BNIP3: variants seen among roughly 807,000 people sequenced by gnomAD.
BNIP3 encodes BCL2 interacting protein 3.
A neutral mutation model predicts 23.9 loss-of-function variants in BNIP3; 16 were observed. That is an observed-to-expected ratio of 0.67 (90% CI 0.45 to 1.01). The LOEUF is 1.01. BNIP3 is among the 50% of genes least tolerant of loss of function. The pLI, the probability that BNIP3 is intolerant of heterozygous loss-of-function variation, is 0.00. For synonymous variants in BNIP3, 81 were observed against 89.3 expected (o/e 0.91, Z 0.53); for missense variants, 198 against 248.7 (o/e 0.80, Z 1.37).
At chr10:131,973,214 T>C in intron 2 of BNIP3, 96 bp from the exon 3 acceptor site, 1 of 1,252,638 alleles carries the variant, frequency 8.0e-7, no homozygotes, top group Non-Finnish European at 1.2e-6. Context: ...GCCTCCGTGA[T>C]GAGGGGCTCT....
At position 131,970,605 on chromosome 10, in the gene BNIP3, C is replaced by A; in HGVS notation, c.539+33G>T. On this transcript the variant is annotated intron_variant, in intron 5 of 5. Coordinates refer to ENST00000368636, the MANE Select transcript of BNIP3 (RefSeq NM_004052.4). The surrounding 1 kb of genome is among the most constrained non-coding windows in gnomAD (Gnocchi z 4.1). ...CAACCCAGAATCGCCCCACGACATG[C>A]CATGACAGGAGTCACACAGTCACAT... 6.2e-7 allele frequency: 1 copy of A among 1,607,754 alleles called. No homozygotes were observed. The highest frequency in any genetic ancestry group is 8.5e-7 in the Non-Finnish European group (1 of 1,176,620).
chr10:131,973,082 T>C lies in BNIP3; in HGVS notation c.234A>G (p.Arg78=), dbSNP rs1050704. The stretch of plus-strand genomic sequence containing the variant: ...TGCTATGGGTATCTGTTTCAGAAGC[T>C]CTGTTGGTATCTTGTGGTGTCTGCG... The part of the protein sequence containing the change: ...PRSQTPQDTN[R]ASETDTHSIG... Residue 78 remains arginine, a synonymous_variant, in exon 3 of 6, where the codon AGA becomes AGG. Coordinates refer to ENST00000368636, the MANE Select transcript of BNIP3 (RefSeq NM_004052.4). 0.13 allele frequency: 211,828 copies of C among 1,613,354 alleles called. 15,024 individuals carry two copies. The highest frequency in any genetic ancestry group is 0.15 in the Non-Finnish European group (176,413 of 1,179,410).
At chr10:131,973,416 G>A (rs1441105711) in intron 2 of BNIP3, 2 of 467,514 alleles carry the variant, frequency 4.3e-6, no homozygotes, top group Non-Finnish European at 7.8e-6. Context: ...GCTCTCAAGG[G>A]CACGCGACCT....
In BNIP3 at chr10:131,970,336, C is replaced by A; in HGVS notation, c.539+302G>T. ...TACACAGAAATGAGACTGCTTTCACCTACACACAGGACAAAGAGGTCAGAC... is the reference window on the plus strand; with the variant it reads ...TACACAGAAATGAGACTGCTTTCACATACACACAGGACAAAGAGGTCAGAC... On this transcript the variant is annotated intron_variant, in intron 5 of 5. Transcript: ENST00000368636. This position sits in a 1 kb window ranked among gnomAD's most constrained non-coding sequence, Gnocchi z 4.1. 1 of 439,194 alleles carries A rather than the reference C, an allele frequency of 2.3e-6. No homozygotes were observed. The allele number at this position is 439,194 out of a possible 1,614,324, so 27.2% of individuals were successfully genotyped here.
chr10:131,972,920 G>GAAAC (rs2037048061), intron 3 of BNIP3, 114 bp downstream of exon 3: 1 of 1,031,656 alleles, frequency 9.7e-7, no homozygotes, highest in Admixed American at 2.4e-5. Flanking sequence ...TTTAAAGCAG[G>GAAAC]AAACACCCTT....
intron 3 of BNIP3, among the ~76,000 whole-genome samples, chr10:131,972,798 C>T (rs900761454): frequency 6.6e-6 from 1 of 152,196 alleles, no homozygotes; most frequent in African/African-American, 2.4e-5. Flanking sequence ...AGGAGGCCCC[C>T]GCTGCCTGTC....
chr10:131,976,087 C>A lies in BNIP3; in HGVS notation c.47-2144G>T, dbSNP rs1343096516. Among the ~76,000 whole-genome samples the A allele has an allele frequency of 6.6e-6, 1 of 152,226 alleles. No homozygotes were observed. The highest frequency in any genetic ancestry group is 1.5e-5 in the Non-Finnish European group (1 of 68,046). ...CTCTGCGGTTCAAGATGCCATGCGG[C>A]CGGCTAGCCATGGCCTGCCCCTGAG... is the stretch of plus-strand genomic sequence containing the variant. On this transcript the variant is annotated intron_variant, in intron 1 of 5. Transcript: ENST00000368636. The surrounding 1 kb of genome is among the most constrained non-coding windows in gnomAD (Gnocchi z 4.3).
chr10:131,981,719 CCCCGCGCCCCCTCGGCT>C, intron 1 of BNIP3, 25 bp downstream of exon 1: 1 of 1,462,232 alleles, frequency 6.8e-7, no homozygotes. Context: ...CAGGCTTCCC[CCCCGCGCCCCCTCGGCT>C]CCCGCGCCGC....
At chr10:131,975,773 C>T (rs377634996) in intron 1 of BNIP3, among the ~76,000 whole-genome samples, 43 of 152,326 alleles carry the variant, frequency 2.8e-4, no homozygotes, top group Admixed American at 5.2e-4. Flanking sequence ...AAGCTGCTAA[C>T]GAAATGATCA....
At chr10:131,974,022 C>T in intron 1 of BNIP3, 79 bp from the exon 2 acceptor site, 1 of 1,566,120 alleles carries the variant, frequency 6.4e-7, no homozygotes. Context: ...AACCAGCCTG[C>T]CCTTCCATTT....
chr10:131,967,933 G>GTTCT lies in BNIP3; in HGVS notation c.*590_*591insAGAA, dbSNP rs1451340466. 1 of 152,234 alleles carries GTTCT rather than the reference G, an allele frequency of 6.6e-6. No homozygotes were observed. Among genetic ancestry groups the GTTCT allele is most frequent in the Non-Finnish European group, 1.5e-5 (1 of 68,076 alleles). 9.4% of individuals were successfully genotyped at this position (152,234 alleles called of 1,614,324 possible). A position where few individuals can be genotyped will look rare whatever the true frequency, so the allele number is the denominator to read the frequency against. ...ATTCCTTATAATGCAAAAGCAAGAA[G>GTTCT]AGTTTAGTGTACGAACTGTACAGCT... On this transcript the variant is annotated 3_prime_UTR_variant, in exon 6 of 6. Transcript: ENST00000368636.
intron 3 of BNIP3, among the ~76,000 whole-genome samples, chr10:131,971,801 T>C (rs1387269710): frequency 1.3e-5 from 2 of 152,210 alleles, no homozygotes; most frequent in Non-Finnish European, 2.9e-5. Context: ...CAGCCAGGGC[T>C]CCTGGGGCTC....
chr10:131,974,078 C>T (rs890937412), intron 1 of BNIP3, 135 bp from the exon 2 acceptor site: 4 of 1,148,932 alleles, frequency 3.5e-6, no homozygotes, highest in South Asian at 2.9e-5. Flanking sequence ...CCCTCAACCC[C>T]GACTTGAAGA....
rs1486737319 is a variant in BNIP3, at chr10:131,979,135, C to T, written c.46+2626G>A. 3.9e-5 allele frequency among the ~76,000 whole-genome samples: 6 copies of T among 152,212 alleles called. No homozygotes were observed. In the East Asian group the frequency reaches 1.2e-3, roughly 29 times the overall value. On this transcript the variant is annotated intron_variant, in intron 1 of 5. Transcript: ENST00000368636. The stretch of plus-strand genomic sequence containing the variant: ...TGGGCTCCAGGTATCCCACTGCTGC[C>T]TCATGCAGAGACCTTGGCTTCTCCT...
intron 1 of BNIP3, 44 bp from the exon 2 acceptor site, chr10:131,973,987 A>G: frequency 6.2e-7 from 1 of 1,608,686 alleles, no homozygotes; most frequent in Non-Finnish European, 8.5e-7. Flanking sequence ...TTCTCTACCC[A>G]CTCTGGAATC....
At chr10:131,977,366 T>C (rs1336021593) in intron 1 of BNIP3, among the ~76,000 whole-genome samples, 1 of 152,118 alleles carries the variant, frequency 6.6e-6, no homozygotes, top group Non-Finnish European at 1.5e-5. Context: ...CATACTGTAA[T>C]CTATCACACA....
rs1469483923 is a variant in BNIP3 at position 131,973,842 on chromosome 10, C to T, written c.148G>A (p.Ala50Thr). The T allele has an allele frequency of 2.5e-6, 4 of 1,612,488 alleles. No individual in the cohort carries two copies. Among genetic ancestry groups the T allele is most frequent in the African/African-American group, 1.3e-5 (1 of 74,884 alleles). ...CTACTCCGTCCAGACTCATGCTGTG[C>T]GTCCAGCAGTATTTTTTCCATGTCT... is the stretch of plus-strand genomic sequence containing the variant. ...NGDMEKILLD[A>T]QHESGRSSSK... Residue 50 changes from alanine to threonine, a missense_variant, in exon 2 of 6, where the codon GCA becomes ACA. Ala to Thr is a moderately conservative substitution (Grantham distance 58). Coordinates refer to ENST00000368636, the MANE Select transcript of BNIP3 (RefSeq NM_004052.4).
chr10:131,969,228 G>C (rs758173457), intron 5 of BNIP3: 1 of 152,402 alleles, frequency 6.6e-6, no homozygotes, highest in Non-Finnish European at 1.5e-5. Flanking sequence ...AGCAGCTGAG[G>C]GGGTGTGGGT....
At chr10:131,978,433 G>A (rs947568198) in intron 1 of BNIP3, among the ~76,000 whole-genome samples, 5 of 150,338 alleles carry the variant, frequency 3.3e-5, no homozygotes, top group African/African-American at 1.2e-4. Flanking sequence ...GGTGCCCAAA[G>A]CAGTTCTCCC....
Sources: allele counts gnomAD v4.1 joint callset (sites outside exome capture counted in the v4.1 genomes callset), GRCh38; gene constraint gnomAD v4.1.1; non-coding constraint Gnocchi (gnomAD v3.1); transcripts MANE v1.5; gene names NCBI Gene and HGNC (gene_info 2026-07-23, HGNC 2026-07-21).